ZNF14: variants seen among roughly 807,000 people sequenced by gnomAD.
ZNF14 encodes zinc finger protein 14, also known as gonadotropin inducible transcription repressor-4.
ZNF14 carries 9 observed loss-of-function variants against 11.3 expected under a neutral mutation model. The ratio of observed to expected loss-of-function variants is 0.80; its 90% CI spans 0.48 to 1.39. The LOEUF is 1.39. Ranked by LOEUF, ZNF14 falls within the 40% of genes most tolerant of loss-of-function variation. The pLI is 0.00. For missense variants in ZNF14, 711 were observed against 763.9 expected (o/e 0.93, Z 0.82); for synonymous variants, 239 against 245.7 (o/e 0.97, Z 0.25).
At position 19,733,104 on chromosome 19, in the gene ZNF14, G is replaced by T; in HGVS notation, c.-146C>A. 2.0e-6 allele frequency: 2 copies of T among 999,830 alleles called. No homozygotes were observed. Among genetic ancestry groups the T allele is most frequent in the African/African-American group, 1.6e-5 (1 of 61,808 alleles). The allele number at this position is 999,830 out of a possible 1,614,324, so 61.9% of individuals were successfully genotyped here. On this transcript the variant is annotated 5_prime_UTR_variant, in exon 1 of 4. Transcript: ENST00000344099. ...CTTCCCATGGGCCAGGAATGGCGAC[G>T]TCCGCACTGCGCAGGCCCAGCGTGG... is the stretch of plus-strand genomic sequence containing the variant.
Position 19,711,861 on chromosome 19 carries a change from G to T in ZNF14, c.1420C>A (p.Pro474Thr), listed in dbSNP as rs145936162. 1.0e-4 allele frequency: 168 copies of T among 1,614,006 alleles called. 1 individual carries two copies. The highest frequency in any genetic ancestry group is 6.8e-4 in the African/African-American group (51 of 75,008). The change falls in exon 4 of 4, where the codon CCC becomes ACC. Residue 474 changes from proline (P) to threonine (T), a missense_variant. Physicochemically the swap from Pro to Thr is conservative, Grantham distance 38. Coordinates refer to ENST00000344099, the MANE Select transcript of ZNF14 (RefSeq NM_021030.3). Reference protein sequence around the residue: ...IHERSHTGEKPYECKQCGKVF... With the variant: ...IHERSHTGEKTYECKQCGKVF... ...TTTCCACACTGTTTACATTCATAGGGTTTCTCTCCAGTGTGTGACCTTTCA... is the reference window on the plus strand; with the variant it reads ...TTTCCACACTGTTTACATTCATAGGTTTTCTCTCCAGTGTGTGACCTTTCA...
intron 1 of ZNF14, among the ~76,000 whole-genome samples, chr19:19,725,085 A>T: frequency 7.5e-6 from 1 of 133,010 alleles, no homozygotes; most frequent in South Asian, 2.5e-4. Flanking sequence ...ACTTACATTT[A>T]AGGTTAATAT....
chr19:19,731,600 A>C (rs2062423575), intron 1 of ZNF14, among the ~76,000 whole-genome samples: 1 of 151,862 alleles, frequency 6.6e-6, no homozygotes, highest in Non-Finnish European at 1.5e-5. Flanking sequence ...AAACAACAAC[A>C]AAACTACCCA....
rs779052096 is a variant in ZNF14 at position 19,712,965 on chromosome 19, T to C, written c.316A>G (p.Ser106Gly). The C allele has an allele frequency of 1.2e-6, 2 of 1,614,180 alleles. No homozygotes were observed. The highest frequency in any genetic ancestry group is 1.7e-6 in the Non-Finnish European group (2 of 1,180,026). Residue 106 changes from serine (S) to glycine (G), a missense_variant, in exon 4 of 4, where the codon AGC becomes GGC. Physicochemically the swap from Ser to Gly is moderately conservative, Grantham distance 56. Transcript: ENST00000344099. ...TFTGAKPHEC[S>G]FCGRDFIHHS... The stretch of plus-strand genomic sequence containing the variant: ...TGAATGAAGTCTCTTCCACAAAAGC[T>C]GCATTCATGTGGTTTTGCTCCAGTA...
intron 1 of ZNF14, 112 bp from the exon 2 acceptor site, chr19:19,714,599 T>G (rs1027371742): frequency 1.5e-5 from 19 of 1,299,266 alleles, no homozygotes; most frequent in Non-Finnish European, 2.0e-5. Flanking sequence ...AAACATTTGG[T>G]GTATGACTCA....
intron 1 of ZNF14, among the ~76,000 whole-genome samples, chr19:19,722,524 T>G (rs953081843): frequency 6.6e-6 from 1 of 152,220 alleles, no homozygotes. Context: ...CCAGCTTTGT[T>G]CTTTTGGCTT....
At chr19:19,722,618 T>C (rs1315018223) in intron 1 of ZNF14, among the ~76,000 whole-genome samples, 1 of 152,188 alleles carries the variant, frequency 6.6e-6, no homozygotes, top group Non-Finnish European at 1.5e-5. Flanking sequence ...AGAAAGTCAT[T>C]GGTAGCTTGA....
At chr19:19,729,536 C>T (rs746380173) in intron 1 of ZNF14, among the ~76,000 whole-genome samples, 14 of 151,906 alleles carry the variant, frequency 9.2e-5, no homozygotes, top group South Asian at 2.1e-4. Context: ...AGGCTGGTCT[C>T]GAACTCCTGA....
chr19:19,716,315 G>A (rs1021975749), intron 1 of ZNF14, among the ~76,000 whole-genome samples: 2 of 152,136 alleles, frequency 1.3e-5, no homozygotes, highest in African/African-American at 4.8e-5. Context: ...TTTTGAGACC[G>A]AGTTTCGCTG....
chr19:19,715,283 A>G (rs1263323777), intron 1 of ZNF14, among the ~76,000 whole-genome samples: 3 of 152,198 alleles, frequency 2.0e-5, no homozygotes. Flanking sequence ...AACAAACGAG[A>G]GGCCAGGAGG....
chr19:19,729,440 C>T (rs1480605882), intron 1 of ZNF14, among the ~76,000 whole-genome samples: 3 of 151,918 alleles, frequency 2.0e-5, no homozygotes, highest in Non-Finnish European at 4.4e-5. Context: ...CTCAGCCTCC[C>T]GAGTAGCTGG....
At chr19:19,721,345 A>G (rs1229979999) in intron 1 of ZNF14, among the ~76,000 whole-genome samples, 1 of 152,222 alleles carries the variant, frequency 6.6e-6, no homozygotes, top group Non-Finnish European at 1.5e-5. Flanking sequence ...CAAGGGGAGC[A>G]TTTGACTAAA....
At chr19:19,725,774 T>C (rs1380426938) in intron 1 of ZNF14, among the ~76,000 whole-genome samples, 1 of 133,854 alleles carries the variant, frequency 7.5e-6, no homozygotes, top group African/African-American at 2.8e-5. Flanking sequence ...TTTGTTAATT[T>C]CTTTTTACTC....
At position 19,720,620 on chromosome 19, in the gene ZNF14, G is replaced by C. The variant is rs2062390627; in HGVS notation, c.4-6133C>G. On this transcript the variant is annotated intron_variant, in intron 1 of 3. Coordinates refer to ENST00000344099, the MANE Select transcript of ZNF14 (RefSeq NM_021030.3). This position sits in a 1 kb window ranked among gnomAD's most constrained non-coding sequence, Gnocchi z 4.1. ...GGCCTCCCAAAGTGCTGGGATTACA[G>C]GCATGAGCCACCATGCCCTGCCAGG... is the stretch of plus-strand genomic sequence containing the variant. Among the ~76,000 whole-genome samples, 1 of 152,118 alleles carries C rather than the reference G, an allele frequency of 6.6e-6. No individual in the cohort carries two copies. The highest frequency in any genetic ancestry group is 1.5e-5 in the Non-Finnish European group (1 of 68,044).
chr19:19,712,750 G>A lies in ZNF14; in HGVS notation c.531C>T (p.Ala177=), dbSNP rs1045614102. ...KPYECKQCGK[A]FIYYQPFQRH... The stretch of plus-strand genomic sequence containing the variant: ...TTTGAAATGGCTGGTAATATATAAA[G>A]GCTTTCCCACACTGTTTACATTCAT... Residue 177 remains alanine, a synonymous_variant, in exon 4 of 4, where the codon GCC becomes GCT. Coordinates refer to ENST00000344099, the MANE Select transcript of ZNF14 (RefSeq NM_021030.3). 2 of 1,613,410 alleles carry A rather than the reference G, an allele frequency of 1.2e-6. No individual in the cohort carries two copies. The highest frequency in any genetic ancestry group is 1.3e-5 in the African/African-American group (1 of 74,826).
Position 19,711,320 on chromosome 19 carries a change from C to G in ZNF14, c.*32G>C, listed in dbSNP as rs997739115. On this transcript the variant is annotated 3_prime_UTR_variant, in exon 4 of 4. Transcript: ENST00000344099. Reference sequence around the variant, plus strand: ...TTTGTGTATTCAGAAGGAGCTGGAACAACCGAAGGCTTCAGAATGTTGCTT... The same window carrying G: ...TTTGTGTATTCAGAAGGAGCTGGAAGAACCGAAGGCTTCAGAATGTTGCTT... The G allele has an allele frequency of 1.3e-6, 2 of 1,523,958 alleles. No individual in the cohort carries two copies. The highest frequency in any genetic ancestry group is 2.8e-5 in the African/African-American group (2 of 71,922). 94.4% of individuals were successfully genotyped at this position (1,523,958 alleles called of 1,614,324 possible).
At chr19:19,729,079 C>T (rs1290258218) in intron 1 of ZNF14, among the ~76,000 whole-genome samples, 2 of 152,112 alleles carry the variant, frequency 1.3e-5, no homozygotes, top group African/African-American at 2.4e-5. Flanking sequence ...CAGGTTCAAG[C>T]GATTCTCCTG....
At chr19:19,731,857 G>A (rs960140275) in intron 1 of ZNF14, among the ~76,000 whole-genome samples, 3 of 152,144 alleles carry the variant, frequency 2.0e-5, no homozygotes, top group Admixed American at 1.3e-4. Flanking sequence ...CACAAGGTCA[G>A]GAGATCGAGA....
Position 19,712,109 on chromosome 19 carries a change from T to C in ZNF14, c.1172A>G (p.Tyr391Cys). 2 of 1,613,792 alleles carry C rather than the reference T, an allele frequency of 1.2e-6. No individual in the cohort carries two copies. Among genetic ancestry groups the C allele is most frequent in the Non-Finnish European group, 1.7e-6 (2 of 1,179,904 alleles). ...HERTHTGEKP[Y>C]ECKQCHKTFS... ...GGTTTTATGACACTGTTTACACTCA[T>C]AAGGTTTCTCTCCAGTATGAGTTCT... The change falls in exon 4 of 4, where the codon TAT becomes TGT. Residue 391 changes from tyrosine to cysteine, a missense_variant. Coordinates refer to ENST00000344099, the MANE Select transcript of ZNF14 (RefSeq NM_021030.3).
Sources: allele counts gnomAD v4.1 joint callset (sites outside exome capture counted in the v4.1 genomes callset), GRCh38; gene constraint gnomAD v4.1.1; non-coding constraint Gnocchi (gnomAD v3.1); transcripts MANE v1.5; gene names NCBI Gene and HGNC (gene_info 2026-07-23, HGNC 2026-07-21).